CCDC192: variants seen among roughly 807,000 people sequenced by gnomAD.
CCDC192 encodes the protein coiled-coil domain-containing protein 192.
At chr5:127,754,461 C>A in intron 3 of CCDC192, 86 bp downstream of exon 3, 1 of 385,408 alleles carries the variant, frequency 2.6e-6, no homozygotes, top group Non-Finnish European at 4.5e-6. Flanking sequence ...TTTAACCTCT[C>A]CCTCTACTGA....
At chr5:127,784,343 A>G (rs958572252) in intron 3 of CCDC192, among the ~76,000 whole-genome samples, 4 of 152,222 alleles carry the variant, frequency 2.6e-5, no homozygotes, top group African/African-American at 9.6e-5. Context: ...ATTTAAATGC[A>G]GTAGCATGCA....
intron 2 of CCDC192, among the ~76,000 whole-genome samples, chr5:127,751,474 C>G (rs954416311): frequency 6.6e-6 from 1 of 152,010 alleles, no homozygotes; most frequent in Non-Finnish European, 1.5e-5. Flanking sequence ...GGGTTTCTGC[C>G]GAGAGATCCG....
chr5:127,928,450 C>T (rs1465182005), intron 6 of CCDC192, among the ~76,000 whole-genome samples: 1 of 152,172 alleles, frequency 6.6e-6, no homozygotes, highest in Admixed American at 6.5e-5. Flanking sequence ...TGACTCTGAC[C>T]CCCTACTTCC....
chr5:127,780,601 G>T (rs1324603561), intron 3 of CCDC192, among the ~76,000 whole-genome samples: 1 of 152,000 alleles, frequency 6.6e-6, no homozygotes, highest in Non-Finnish European at 1.5e-5. Flanking sequence ...TCATATATTT[G>T]TTGGCCATTT....
chr5:127,883,588 C>A (rs1752438122), intron 6 of CCDC192, among the ~76,000 whole-genome samples: 2 of 152,220 alleles, frequency 1.3e-5, no homozygotes. Context: ...AAACCAAAAT[C>A]TTCTTCCTGA....
intron 2 of CCDC192, among the ~76,000 whole-genome samples, chr5:127,746,574 A>G (rs1360080199): frequency 6.6e-6 from 1 of 151,234 alleles, no homozygotes; most frequent in South Asian, 2.1e-4. Context: ...ACATGTATTC[A>G]TCTCTAAGTG....
Position 127,703,440 on chromosome 5 carries a change from C to T in CCDC192, c.-6C>T, listed in dbSNP as rs1750789371. The T allele has an allele frequency of 5.0e-6, 2 of 398,874 alleles. No homozygotes were observed. The highest frequency in any genetic ancestry group is 2.5e-4 in the South Asian group (2 of 7,856). The allele number at this position is 398,874 out of a possible 1,614,324, so 24.7% of individuals were successfully genotyped here. A position where few individuals can be genotyped will look rare whatever the true frequency, so the allele number is the denominator to read the frequency against. Reference sequence around the variant, plus strand: ...GGACAGGGGATCCCAGTGGGTCTGGCTTGAGATGGGACAATGCTATAGCAA... The same window carrying T: ...GGACAGGGGATCCCAGTGGGTCTGGTTTGAGATGGGACAATGCTATAGCAA... On this transcript the variant is annotated 5_prime_UTR_variant, in exon 1 of 7. Coordinates refer to ENST00000514853, the MANE Select transcript of CCDC192 (RefSeq NM_001317938.2).
In CCDC192 at chr5:127,825,709, T is replaced by C. The variant is rs542053290; in HGVS notation, c.411+27547T>C. ...ATATACAATCTATATACATTCACTT[T>C]ATGGAGGGCCAAAGATTTTTACTAG... On this transcript the variant is annotated intron_variant, in intron 5 of 6. Transcript: ENST00000514853. Among the ~76,000 whole-genome samples, 26 of 152,342 alleles carry C rather than the reference T, an allele frequency of 1.7e-4. No homozygotes were observed. The South Asian group carries it at 4.8e-3, about 28-fold the overall frequency.
chr5:127,888,969 A>G (rs1752653274), intron 6 of CCDC192, among the ~76,000 whole-genome samples: 1 of 151,548 alleles, frequency 6.6e-6, no homozygotes, highest in African/African-American at 2.4e-5. Context: ...GTTGTTTTTG[A>G]TCTGAAGCCA....
intron 3 of CCDC192, among the ~76,000 whole-genome samples, chr5:127,770,325 A>G (rs1200280301): frequency 6.6e-6 from 1 of 152,222 alleles, no homozygotes; most frequent in Non-Finnish European, 1.5e-5. Context: ...CAAATAGATA[A>G]ATTGGTGACA....
At chr5:127,736,646 G>A (rs1317473932) in intron 2 of CCDC192, among the ~76,000 whole-genome samples, 1 of 151,714 alleles carries the variant, frequency 6.6e-6, no homozygotes, top group Non-Finnish European at 1.5e-5. Flanking sequence ...CTTCTTCCTG[G>A]TTTAGTCTTG....
intron 2 of CCDC192, among the ~76,000 whole-genome samples, chr5:127,753,687 G>T (rs1005391151): frequency 8.2e-6 from 1 of 122,280 alleles, no homozygotes; most frequent in African/African-American, 2.8e-5. Context: ...AACTCTGCCT[G>T]GAAAAAAAAA....
intron 3 of CCDC192, among the ~76,000 whole-genome samples, chr5:127,762,317 G>A (rs998892610): frequency 1.3e-5 from 2 of 152,118 alleles, no homozygotes; most frequent in Admixed American, 6.6e-5. Context: ...CCAGTTATCA[G>A]GAACTTCATT....
chr5:127,789,774 G>T (rs1354367738), intron 3 of CCDC192, among the ~76,000 whole-genome samples: 1 of 152,208 alleles, frequency 6.6e-6, no homozygotes, highest in African/African-American at 2.4e-5. Flanking sequence ...TGTTCTAGAA[G>T]ATGGGGGAAA....
At chr5:127,816,413 G>C (rs201875304) in intron 5 of CCDC192, among the ~76,000 whole-genome samples, 1 of 152,182 alleles carries the variant, frequency 6.6e-6, no homozygotes, top group Non-Finnish European at 1.5e-5. Flanking sequence ...GTAGAGTCCT[G>C]TGATATCAGT....
intron 5 of CCDC192, among the ~76,000 whole-genome samples, chr5:127,841,142 T>C (rs1750266255): frequency 6.6e-6 from 1 of 152,198 alleles, no homozygotes; most frequent in South Asian, 2.1e-4. Context: ...GAAAGACATT[T>C]CTTCAGTTTG....
At chr5:127,930,971 ATG>A (rs1754012096) in intron 6 of CCDC192, among the ~76,000 whole-genome samples, 1 of 152,218 alleles carries the variant, frequency 6.6e-6, no homozygotes, top group African/African-American at 2.4e-5. Flanking sequence ...GCTAGCAAAG[ATG>A]TGTATGCAAA....
At chr5:127,817,275 C>G (rs1167940312) in intron 5 of CCDC192, among the ~76,000 whole-genome samples, 1 of 152,036 alleles carries the variant, frequency 6.6e-6, no homozygotes, top group African/African-American at 2.4e-5. Flanking sequence ...AAATATGACC[C>G]AGCAGTTCTG....
intron 2 of CCDC192, among the ~76,000 whole-genome samples, chr5:127,738,682 C>A (rs1753186974): frequency 6.6e-6 from 1 of 152,022 alleles, no homozygotes; most frequent in South Asian, 2.1e-4. Context: ...TCATTCATTT[C>A]TTCTTCCATT....
Sources: gnomAD v4.1 joint callset for allele counts (sites outside exome capture counted in the v4.1 genomes callset) on GRCh38, gnomAD v4.1.1 for gene constraint, MANE v1.5 for transcripts, NCBI Gene and HGNC (gene_info 2026-07-23, HGNC 2026-07-21) for gene names.